The following SFXN5 variants were observed in gnomAD, a reference collection of about 807,000 sequenced individuals.
The protein encoded by SFXN5 is sideroflexin-5.
Under a neutral mutation model 50.2 loss-of-function variants are expected in SFXN5, and 43 were observed. That is an observed-to-expected ratio of 0.86 (90% CI 0.67 to 1.11). The LOEUF is 1.11. Among genes scored for constraint, SFXN5 ranks in the 50% least tolerant of loss-of-function variants. The pLI, the probability that SFXN5 is intolerant of heterozygous loss-of-function variation, is 0.00. For synonymous variants in SFXN5, 203 were observed against 185.8 expected, an observed-to-expected ratio of 1.09 and a Z score of -0.75; for missense variants, 463 against 454.1, an observed-to-expected ratio of 1.02 and a Z score of -0.18.
intron 8 of SFXN5, 129 bp downstream of exon 8, chr2:73,000,302 A>C: frequency 1.2e-5 from 10 of 820,674 alleles, no homozygotes; most frequent in South Asian, 1.8e-5. Context: ...CATTTTAAAT[A>C]AGATATCTAG....
chr2:72,971,390 T>A (rs1573994896), intron 11 of SFXN5, among the ~76,000 whole-genome samples, 180 bp downstream of exon 11: 1 of 130,360 alleles, frequency 7.7e-6, no homozygotes, highest in South Asian at 2.4e-4. Context: ...CAGGGGAACA[T>A]GCGGGAGGCC....
At chr2:73,005,099 T>A (rs1031411134) in intron 6 of SFXN5, among the ~76,000 whole-genome samples, 3 of 151,974 alleles carry the variant, frequency 2.0e-5, no homozygotes, top group African/African-American at 7.3e-5. Context: ...CGCAGACGGG[T>A]GGAGAGCGCC....
rs1670210557 is a variant in SFXN5, at chr2:72,973,012, A to G, written c.626-1327T>C. Among the ~76,000 whole-genome samples, 1 of 152,030 alleles carries G rather than the reference A, an allele frequency of 6.6e-6. No homozygotes were observed. The highest frequency in any genetic ancestry group is 2.1e-4 in the South Asian group (1 of 4,826). On this transcript the variant is annotated intron_variant, in intron 10 of 13. Transcript: ENST00000272433. The surrounding 1 kb of genome is among the most constrained non-coding windows in gnomAD (Gnocchi z 5.5). ...CACAGATGCTCCTGGGGCCTGAGCC[A>G]ACGAGTGGTCCAGGGTGCTCACAGC...
At chr2:73,001,624 C>T in intron 6 of SFXN5, 46 bp from the exon 7 acceptor site, 1 of 1,597,312 alleles carries the variant, frequency 6.3e-7, no homozygotes, top group Non-Finnish European at 8.6e-7. Flanking sequence ...GAAGAAACAT[C>T]CTATGCTTTT....
chr2:73,014,552 T>C (rs1395197349), intron 6 of SFXN5, among the ~76,000 whole-genome samples: 1 of 152,204 alleles, frequency 6.6e-6, no homozygotes, highest in East Asian at 1.9e-4. Flanking sequence ...TAACTTTTCA[T>C]AGCAACCTGT....
At chr2:72,974,855 G>A (rs940295492) in intron 10 of SFXN5, among the ~76,000 whole-genome samples, 333 of 143,942 alleles carry the variant, frequency 2.3e-3, no homozygotes, top group African/African-American at 7.0e-3. Context: ...GAGAGAGAGA[G>A]AAAAAAAAAA....
At chr2:73,023,094 A>C (rs1574145627) in intron 4 of SFXN5, 94 bp downstream of exon 4, 1 of 1,293,270 alleles carries the variant, frequency 7.7e-7, no homozygotes, top group Non-Finnish European at 1.1e-6. Context: ...CCGAAGAGCC[A>C]CCGGAGGGGG....
intron 2 of SFXN5, among the ~76,000 whole-genome samples, chr2:73,041,889 G>C (rs1006722632): frequency 2.0e-5 from 3 of 152,028 alleles, no homozygotes; most frequent in Admixed American, 6.6e-5. Flanking sequence ...TGTAGAGATG[G>C]GGTTTTGCAT....
In SFXN5 at chr2:73,022,565, A is replaced by AT. The variant is rs1203818925; in HGVS notation, c.287dup (p.His96GlnfsTer6). 1 of 1,355,492 alleles carries AT rather than the reference A, an allele frequency of 7.4e-7. No individual in the cohort carries two copies. The highest frequency in any genetic ancestry group is 2.0e-5 in the Admixed American group (1 of 49,286). The allele number at this position is 1,355,492 out of a possible 1,614,324, so 84.0% of individuals were successfully genotyped here. The stretch of plus-strand genomic sequence containing the variant: ...TGAAGATCTTCTCATTGGTGTCCGG[A>AT]TGTAGAATAGCCTGGCAAAAGCAGG... On this transcript the variant is annotated frameshift_variant, in exon 5 of 14. Transcript: ENST00000272433. LOFTEE classifies it high-confidence loss of function.
intron 2 of SFXN5, among the ~76,000 whole-genome samples, chr2:73,048,458 C>T (rs2105967728): frequency 6.6e-6 from 1 of 152,326 alleles, no homozygotes; most frequent in African/African-American, 2.4e-5. Context: ...TCAGGTGATC[C>T]ACCTGCCTCA....
intron 13 of SFXN5, among the ~76,000 whole-genome samples, chr2:72,956,262 C>T (rs1195184976): frequency 6.6e-6 from 1 of 152,232 alleles, no homozygotes; most frequent in Non-Finnish European, 1.5e-5. Flanking sequence ...AGGACCTGTT[C>T]CCCAGTTCTC....
chr2:73,054,343 A>G (rs1178693335), intron 2 of SFXN5, among the ~76,000 whole-genome samples: 3 of 152,232 alleles, frequency 2.0e-5, no homozygotes, highest in Admixed American at 1.3e-4. Flanking sequence ...GTCAGTAAAT[A>G]TTTAAGTTGC....
intron 1 of SFXN5, among the ~76,000 whole-genome samples, chr2:73,068,973 G>A (rs1426737307): frequency 1.3e-5 from 2 of 151,480 alleles, no homozygotes; most frequent in African/African-American, 4.9e-5. Context: ...GGGAGGGAAC[G>A]TGGTGGGTTC....
rs1268595218 is a variant in SFXN5 at position 73,023,080 on chromosome 2, G to C, written c.276+108C>G. 4 of 1,087,228 alleles carry C rather than the reference G, an allele frequency of 3.7e-6. No homozygotes were observed. In the African/African-American group the frequency reaches 6.4e-5, roughly 17 times the overall value. 67.3% of individuals were successfully genotyped at this position (1,087,228 alleles called of 1,614,324 possible). On this transcript the variant is annotated intron_variant, in intron 4 of 13. Coordinates refer to ENST00000272433, the MANE Select transcript of SFXN5 (RefSeq NM_144579.3). ...GTGAGGGGGCCAAGGGCAAATGTGA[G>C]AGCCCGAAGAGCCACCGGAGGGGGG...
At chr2:73,048,405 G>A (rs760224410) in intron 2 of SFXN5, among the ~76,000 whole-genome samples, 2 of 152,062 alleles carry the variant, frequency 1.3e-5, no homozygotes, top group Non-Finnish European at 2.9e-5. Flanking sequence ...TAGTAGAGAC[G>A]AGGTTTCACC....
chr2:73,043,321 C>T (rs1679890816), intron 2 of SFXN5, among the ~76,000 whole-genome samples: 4 of 152,344 alleles, frequency 2.6e-5, no homozygotes, highest in Admixed American at 2.0e-4. Context: ...AGGAAGGGCC[C>T]TCAGTAGGGA....
At position 72,992,582 on chromosome 2, in the gene SFXN5, A is replaced by C; in HGVS notation, c.535-4234T>G. Among the ~76,000 whole-genome samples, 1 of 152,186 alleles carries C rather than the reference A, an allele frequency of 6.6e-6. No homozygotes were observed. Among genetic ancestry groups the C allele is most frequent in the East Asian group, 1.9e-4 (1 of 5,196 alleles). Reference sequence around the variant, plus strand: ...CATTTCCAGCTCTGCTTCTCATGCCAGAGACCTCACAGCGTTCTGGGCAGG... The same window carrying C: ...CATTTCCAGCTCTGCTTCTCATGCCCGAGACCTCACAGCGTTCTGGGCAGG... On this transcript the variant is annotated intron_variant, in intron 9 of 13. Transcript: ENST00000272433. This position sits in a 1 kb window ranked among gnomAD's most constrained non-coding sequence, Gnocchi z 4.5.
intron 9 of SFXN5, 162 bp downstream of exon 9, chr2:72,998,787 C>T (rs1673557958): frequency 1.4e-6 from 1 of 692,610 alleles, no homozygotes; most frequent in Non-Finnish European, 2.5e-6. Context: ...CTACTGGAGC[C>T]TCTTCTCGGC....
chr2:73,001,477 C>A (rs763479288), intron 7 of SFXN5, 48 bp downstream of exon 7: 1 of 1,602,366 alleles, frequency 6.2e-7, no homozygotes, highest in South Asian at 1.1e-5. Flanking sequence ...TAACCAGCAC[C>A]TGTGTGGGCC....
Sources: gnomAD v4.1 joint callset for allele counts (sites outside exome capture counted in the v4.1 genomes callset) on GRCh38, gnomAD v4.1.1 for gene constraint, Gnocchi (gnomAD v3.1) non-coding constraint, MANE v1.5 for transcripts, NCBI Gene and HGNC (gene_info 2026-07-23, HGNC 2026-07-21) for gene names.